The following NUDT7 variants were observed in gnomAD, a reference collection of about 807,000 sequenced individuals.
The protein encoded by NUDT7 is nudix hydrolase 7.
Under a neutral mutation model 13.1 loss-of-function variants are expected in NUDT7, and 19 were observed. That is an observed-to-expected ratio of 1.45 (90% CI 1.01 to 2.13). The LOEUF (loss-of-function observed/expected upper bound fraction) is 2.13. Ranked by LOEUF, NUDT7 falls within the 30% of genes most tolerant of loss-of-function variation. NUDT7 has a pLI of 0.00. For synonymous variants in NUDT7, 132 were observed against 109.7 expected (o/e 1.20, Z -1.27); for missense variants, 360 against 291.7 (o/e 1.23, Z -1.71).
In NUDT7 at chr16:77,742,057, T is replaced by C. The variant is rs1362883700; in HGVS notation, c.*107T>C. On this transcript the variant is annotated 3_prime_UTR_variant, in exon 4 of 4. Transcript: ENST00000268533. ...GGAATTTGACAGGTGTGAATATTTTTTCTGCAGTATGTAGTTAGAATCCTT... is the reference window on the plus strand; with the variant it reads ...GGAATTTGACAGGTGTGAATATTTTCTCTGCAGTATGTAGTTAGAATCCTT... 6.1e-6 allele frequency: 9 copies of C among 1,482,946 alleles called. No individual in the cohort carries two copies. The highest frequency in any genetic ancestry group is 8.0e-6 in the Non-Finnish European group (9 of 1,126,022). The allele number at this position is 1,482,946 out of a possible 1,614,324, so 91.9% of individuals were successfully genotyped here.
intron 3 of NUDT7, 159 bp from the exon 4 acceptor site, chr16:77,741,423 C>T: frequency 1.5e-6 from 1 of 666,268 alleles, no homozygotes; most frequent in Non-Finnish European, 2.5e-6. Flanking sequence ...GGATGACTCC[C>T]ATTTTAGGGG....
intron 1 of NUDT7, among the ~76,000 whole-genome samples, chr16:77,723,101 G>C (rs759584692): frequency 2.8e-4 from 43 of 152,146 alleles, no homozygotes; most frequent in Non-Finnish European, 4.9e-4. Context: ...CTCAGAACGG[G>C]GTGGCTGCTA....
At chr16:77,723,008 C>G (rs2014009697) in intron 1 of NUDT7, among the ~76,000 whole-genome samples, 1 of 152,124 alleles carries the variant, frequency 6.6e-6, no homozygotes, top group African/African-American at 2.4e-5. Context: ...GTTTCGTAAA[C>G]TCTCTGAGCC....
At chr16:77,729,395 A>G (rs1376942210) in intron 2 of NUDT7, among the ~76,000 whole-genome samples, 2 of 152,198 alleles carry the variant, frequency 1.3e-5, no homozygotes, top group Non-Finnish European at 2.9e-5. Context: ...TACTTCACAT[A>G]GTAACATATC....
chr16:77,739,222 G>C (rs1020238411), intron 3 of NUDT7, among the ~76,000 whole-genome samples: 3 of 152,142 alleles, frequency 2.0e-5, no homozygotes, highest in Non-Finnish European at 4.4e-5. Context: ...AAGTTTATTA[G>C]AGAAGTAAAG....
chr16:77,730,988 TC>T, intron 2 of NUDT7, among the ~76,000 whole-genome samples: 1 of 152,306 alleles, frequency 6.6e-6, no homozygotes, highest in South Asian at 2.1e-4. Flanking sequence ...TAGCCCCTTT[TC>T]AGATGTATGG....
intron 1 of NUDT7, 68 bp downstream of exon 1, chr16:77,722,685 C>A: frequency 6.8e-7 from 1 of 1,471,220 alleles, no homozygotes; most frequent in African/African-American, 1.4e-5. Context: ...GCGGAGGCCA[C>A]CGGGGCCTTT....
chr16:77,741,550 C>A lies in NUDT7; in HGVS notation c.349-32C>A, dbSNP rs755962752. 2.1e-5 allele frequency: 32 copies of A among 1,551,882 alleles called. No homozygotes were observed. In the South Asian group the frequency reaches 3.8e-4, roughly 18 times the overall value. On this transcript the variant is annotated intron_variant, in intron 3 of 3. Transcript: ENST00000268533. ...GATTTGAAGCAGTATCACTTCACTT[C>A]TTAATTTGTCTGTTTTGTTTTCTGC...
In NUDT7 at chr16:77,722,536, C is replaced by G. The variant is rs114814225; in HGVS notation, c.-47C>G. Reference sequence around the variant, plus strand: ...GCTGCTCTGCGCAAGCGCGACCGACCGAGCAGCTCCGAGGAGTCCGCCCGG... The same window carrying G: ...GCTGCTCTGCGCAAGCGCGACCGACGGAGCAGCTCCGAGGAGTCCGCCCGG... On this transcript the variant is annotated 5_prime_UTR_variant, in exon 1 of 4. Transcript: ENST00000268533. 1.4e-3 allele frequency: 2,221 copies of G among 1,548,264 alleles called. 25 individuals carry two copies. In the African/African-American group the frequency reaches 0.024, roughly 17 times the overall value.
At chr16:77,736,251 A>G in intron 3 of NUDT7, 1 of 362,562 alleles carries the variant, frequency 2.8e-6, no homozygotes, top group Non-Finnish European at 5.0e-6. Flanking sequence ...ATAGAACCCT[A>G]GAGAGATGCT....
chr16:77,733,324 G>C (rs1244029946), intron 2 of NUDT7, among the ~76,000 whole-genome samples: 1 of 152,172 alleles, frequency 6.6e-6, no homozygotes. Flanking sequence ...AGTCTGGTGA[G>C]GGCCCTGTTT....
chr16:77,735,773 T>C, intron 2 of NUDT7, 55 bp from the exon 3 acceptor site: 1 of 1,524,262 alleles, frequency 6.6e-7, no homozygotes, highest in Non-Finnish European at 9.0e-7. Context: ...GTTGAATGCA[T>C]AAATAGTTCC....
chr16:77,730,464 G>A (rs1249327603), intron 2 of NUDT7, among the ~76,000 whole-genome samples: 1 of 152,008 alleles, frequency 6.6e-6, no homozygotes, highest in Non-Finnish European at 1.5e-5. Context: ...TCTTTTTTAT[G>A]ACTGAATAAT....
chr16:77,734,931 C>T (rs937771880), intron 2 of NUDT7, among the ~76,000 whole-genome samples: 2 of 152,060 alleles, frequency 1.3e-5, no homozygotes, highest in Admixed American at 6.5e-5. Flanking sequence ...GATTGTACAA[C>T]ACAGTAAATG....
intron 2 of NUDT7, among the ~76,000 whole-genome samples, chr16:77,727,246 G>A: frequency 6.6e-6 from 1 of 152,174 alleles, no homozygotes; most frequent in Non-Finnish European, 1.5e-5. Context: ...CCAAGGAAAA[G>A]CTGGTGAAGC....
At chr16:77,735,215 A>G (rs2014438989) in intron 2 of NUDT7, among the ~76,000 whole-genome samples, 1 of 152,036 alleles carries the variant, frequency 6.6e-6, no homozygotes, top group Non-Finnish European at 1.5e-5. Flanking sequence ...TCCCCACCCA[A>G]ATCTCATGTT....
chr16:77,736,198 TA>T (rs1287139016), intron 3 of NUDT7: 1 of 498,910 alleles, frequency 2.0e-6, no homozygotes, highest in Non-Finnish European at 3.6e-6. Flanking sequence ...CATCCAGAAA[TA>T]AAAGGGTTGA....
At chr16:77,732,953 G>C (rs1444489680) in intron 2 of NUDT7, among the ~76,000 whole-genome samples, 1 of 152,106 alleles carries the variant, frequency 6.6e-6, no homozygotes, top group Non-Finnish European at 1.5e-5. Context: ...TACGCATTTG[G>C]TAAGACATAT....
chr16:77,739,054 T>C (rs1449750186), intron 3 of NUDT7, among the ~76,000 whole-genome samples: 1 of 152,164 alleles, frequency 6.6e-6, no homozygotes, highest in Non-Finnish European at 1.5e-5. Context: ...CCACGAATAT[T>C]TACTGAGCAT....
Sources: gnomAD v4.1 joint callset for allele counts (sites outside exome capture counted in the v4.1 genomes callset) on GRCh38, gnomAD v4.1.1 for gene constraint, MANE v1.5 for transcripts, NCBI Gene and HGNC (gene_info 2026-07-23, HGNC 2026-07-21) for gene names.